The following NMRAL1 variants were observed in gnomAD, a reference collection of about 807,000 sequenced individuals.
NMRAL1 encodes the protein nmrA-like family domain-containing protein 1.
A neutral mutation model predicts 27.5 loss-of-function variants in NMRAL1; 32 were observed. That is an observed-to-expected ratio of 1.16 (90% CI 0.88 to 1.56). The LOEUF (loss-of-function observed/expected upper bound fraction) is 1.56. Ranked by LOEUF, NMRAL1 falls within the 40% of genes most tolerant of loss-of-function variation. The pLI, the probability that NMRAL1 is intolerant of heterozygous loss-of-function variation, is 0.00. For missense variants in NMRAL1, 420 were observed against 392.0 expected, an observed-to-expected ratio of 1.07 and a Z score of -0.60; for synonymous variants, 166 against 166.8, an observed-to-expected ratio of 1.00 and a Z score of 0.04.
chr16:4,473,324 G>A (rs556663958), intron 2 of NMRAL1, among the ~76,000 whole-genome samples: 3 of 152,190 alleles, frequency 2.0e-5, no homozygotes, highest in Admixed American at 6.5e-5. Flanking sequence ...GGTGATGGTT[G>A]TACAATTCTA....
rs1214762545 is a variant in NMRAL1, at chr16:4,463,812, C to T, written c.568G>A (p.Val190Met). The change falls in exon 5 of 6, where the codon GTG becomes ATG. Residue 190 changes from valine to methionine, a missense_variant. Transcript: ENST00000283429. ...AGCACCACAGGACCCAGGTCAGACA[C>T]GGACATGCCATCCATGGGAACGTCA... ...TGDVPMDGMS[V>M]SDLGPVVLSL... 34 of 1,613,752 alleles carry T rather than the reference C, an allele frequency of 2.1e-5. No individual in the cohort carries two copies. In the Admixed American group the frequency reaches 3.5e-4, roughly 17 times the overall value.
intron 4 of NMRAL1, 103 bp downstream of exon 4, chr16:4,466,050 C>G: frequency 7.0e-7 from 1 of 1,428,536 alleles, no homozygotes; most frequent in Non-Finnish European, 9.6e-7. Context: ...GAGGGAGCCA[C>G]GGCTTGAACC....
At chr16:4,473,762 CT>C (rs2057696901) in intron 2 of NMRAL1, among the ~76,000 whole-genome samples, 1 of 151,844 alleles carries the variant, frequency 6.6e-6, no homozygotes, top group African/African-American at 2.4e-5. Flanking sequence ...CCCGTCTCTA[CT>C]AAAAATACAA....
chr16:4,472,184 A>G (rs545676844), intron 2 of NMRAL1, among the ~76,000 whole-genome samples: 1 of 152,346 alleles, frequency 6.6e-6, no homozygotes, highest in African/African-American at 2.4e-5. Flanking sequence ...AATATAGTCT[A>G]TCCATACGGT....
chr16:4,467,083 G>A (rs1462189489), intron 3 of NMRAL1: 3 of 152,280 alleles, frequency 2.0e-5, no homozygotes, highest in African/African-American at 7.2e-5. Flanking sequence ...CCAGTAACCA[G>A]GGTACTTATA....
chr16:4,470,681 C>A (rs1303378503), intron 2 of NMRAL1, among the ~76,000 whole-genome samples: 1 of 151,962 alleles, frequency 6.6e-6, no homozygotes, highest in Non-Finnish European at 1.5e-5. Context: ...GGTGCAGTAG[C>A]TCACAACTGT....
chr16:4,465,649 C>G (rs1477417490), intron 4 of NMRAL1, among the ~76,000 whole-genome samples: 1 of 152,168 alleles, frequency 6.6e-6, no homozygotes, highest in Non-Finnish European at 1.5e-5. Context: ...TCACTGCAAC[C>G]TCCACCTCCT....
chr16:4,474,011 C>T, intron 2 of NMRAL1, 82 bp downstream of exon 2: 2 of 1,120,860 alleles, frequency 1.8e-6, no homozygotes, highest in East Asian at 2.5e-5. Context: ...GACCTTACCC[C>T]TCCCTGCAGA....
intron 4 of NMRAL1, chr16:4,464,073 G>C (rs1031533879): frequency 1.1e-5 from 6 of 541,868 alleles, no homozygotes; most frequent in Non-Finnish European, 1.9e-5. Context: ...CCTAGGGCAG[G>C]CTGTTGAGGC....
chr16:4,475,951 T>C (rs2057814321), upstream of NMRAL1: 1 of 151,960 alleles, frequency 6.6e-6, no homozygotes, highest in Admixed American at 6.6e-5. Context: ...AAAAGAAAAA[T>C]CATTCTGTCA....
chr16:4,461,864 G>C lies in NMRAL1; in HGVS notation c.816C>G (p.Ile272Met). The change falls in exon 6 of 6, where the codon ATC (isoleucine) becomes ATG (methionine). Residue 272 changes from isoleucine (I) to methionine (M), a missense_variant. Coordinates refer to ENST00000283429, the MANE Select transcript of NMRAL1 (RefSeq NM_020677.6). ...RFYALRPDRD[I>M]ELTLRLNPKA... ...TGGGGTTGAGTCTCAGGGTCAGCTC[G>C]ATGTCACGGTCGGGTCTCAGGGCAT... 8.1e-6 allele frequency: 13 copies of C among 1,614,204 alleles called. No individual in the cohort carries two copies. The highest frequency in any genetic ancestry group is 1.1e-5 in the Non-Finnish European group (13 of 1,180,020).
In NMRAL1 at chr16:4,469,328, C is replaced by T. The variant is rs1475842360; in HGVS notation, c.178G>A (p.Asp60Asn). Residue 60 changes from aspartate to asparagine, a missense_variant, in exon 3 of 6, where the codon GAT becomes AAT. Asp to Asn is a conservative substitution (Grantham distance 23, BLOSUM62 1). Transcript: ENST00000283429. ...QGAEVVQGDQDDQVIMELALN... is the reference protein window; with the variant it reads ...QGAEVVQGDQNDQVIMELALN... ...GCCAGCTCCATGATGACCTGGTCAT[C>T]TTGGTCTCCCTGCACTACTTCTGCA... 2 of 1,614,068 alleles carry T rather than the reference C, an allele frequency of 1.2e-6. No individual in the cohort carries two copies. Among genetic ancestry groups the T allele is most frequent in the East Asian group, 2.2e-5 (1 of 44,892 alleles).
chr16:4,469,407 T>A lies in NMRAL1; in HGVS notation c.99A>T (p.Arg33=). 1 of 1,614,102 alleles carries A rather than the reference T, an allele frequency of 6.2e-7. No homozygotes were observed. The highest frequency in any genetic ancestry group is 1.1e-5 in the South Asian group (1 of 91,078). ...TCTTCCTAGGGTTTCGGGTCACCAC[T>A]CGAACCTTGAATGTCCCATCTTCCA... ...TLLEDGTFKV[R]VVTRNPRKKA... The change falls in exon 3 of 6, where the codon CGA becomes CGT. Residue 33 remains arginine, a synonymous_variant. Transcript: ENST00000283429.
In NMRAL1 at chr16:4,468,043, C is replaced by A. The variant is rs563504922; in HGVS notation, c.279+1184G>T. 8.5e-5 allele frequency among the ~76,000 whole-genome samples: 13 copies of A among 152,086 alleles called. No individual in the cohort carries two copies. The South Asian group carries it at 2.1e-3, about 24-fold the overall frequency. ...GGCTGGGCGCAGTGGCTCATGCCCG[C>A]AGTCCCAGCACTTTGGGAGGCCGAG... On this transcript the variant is annotated intron_variant, in intron 3 of 5. Transcript: ENST00000283429.
chr16:4,466,828 G>A (rs146480480), intron 3 of NMRAL1: 22 of 208,150 alleles, frequency 1.1e-4, no homozygotes, highest in African/African-American at 4.4e-4. Flanking sequence ...TGCCATGTAC[G>A]AGCAGTGTGA....
rs572798602 is a variant in NMRAL1, at chr16:4,474,155, C to T, written c.-23G>A. The stretch of plus-strand genomic sequence containing the variant: ...CATGAGGACGAGAATGGGACGAATC[C>T]GGTCCAGAGATCTGGGGGTAATGGG... On this transcript the variant is annotated 5_prime_UTR_variant, in exon 2 of 6. Coordinates refer to ENST00000283429, the MANE Select transcript of NMRAL1 (RefSeq NM_020677.6). 1.2e-5 allele frequency: 19 copies of T among 1,608,442 alleles called. No individual in the cohort carries two copies. In the African/African-American group the frequency reaches 1.9e-4, roughly 16 times the overall value.
At chr16:4,469,120 G>T (rs1015774748) in intron 3 of NMRAL1, 107 bp downstream of exon 3, 3 of 723,050 alleles carry the variant, frequency 4.1e-6, no homozygotes, top group Non-Finnish European at 7.4e-6. Flanking sequence ...GCATGAAGAA[G>T]AGGGAAAGGC....
intron 2 of NMRAL1, 107 bp downstream of exon 2, chr16:4,473,986 G>A (rs981723997): frequency 2.1e-5 from 17 of 805,728 alleles, no homozygotes; most frequent in Non-Finnish European, 3.3e-5. Context: ...CCCAACCTGG[G>A]TCGGGGGTCC....
rs770178989 is a variant in NMRAL1, at chr16:4,463,622, G to A, written c.720+38C>T. On this transcript the variant is annotated intron_variant, in intron 5 of 5. Transcript: ENST00000283429. Reference sequence around the variant, plus strand: ...CTCCCTACGGGAGCTAGAAAGCCCTGACAAGGATGCCTGAGTCACCTGGGG... The same window carrying A: ...CTCCCTACGGGAGCTAGAAAGCCCTAACAAGGATGCCTGAGTCACCTGGGG... The A allele has an allele frequency of 5.6e-6, 9 of 1,604,728 alleles. No individual in the cohort carries two copies. In the South Asian group the frequency reaches 7.7e-5, roughly 14 times the overall value.
Sources: allele counts gnomAD v4.1 joint callset (sites outside exome capture counted in the v4.1 genomes callset), GRCh38; gene constraint gnomAD v4.1.1; transcripts MANE v1.5; gene names NCBI Gene and HGNC (gene_info 2026-07-23, HGNC 2026-07-21).